The following STXBP5L variants were observed in gnomAD, a reference collection of about 807,000 sequenced individuals.
STXBP5L encodes syntaxin-binding protein 5-like.
Under a neutral mutation model 144.5 loss-of-function variants are expected in STXBP5L, and 65 were observed. That is an observed-to-expected ratio of 0.45 (90% CI 0.37 to 0.55). The LOEUF (loss-of-function observed/expected upper bound fraction) is 0.55, where lower values mean the gene tolerates loss of function less well. STXBP5L is among the 20% of genes least tolerant of loss of function. STXBP5L has a pLI of 0.00. For synonymous variants in STXBP5L, 505 were observed against 469.6 expected (o/e 1.08, Z -0.97); for missense variants, 1,298 against 1,405.5 (o/e 0.92, Z 1.22).
At chr3:120,953,502 CTTTTTTTT>C (rs758605593) in intron 2 of STXBP5L, among the ~76,000 whole-genome samples, 1 of 132,108 alleles carries the variant, frequency 7.6e-6, no homozygotes, top group African/African-American at 2.8e-5. Flanking sequence ...TGAATTTTTC[CTTTTTTTT>C]TTTTTTTTGT....
chr3:121,030,344 C>A (rs1045942920), intron 3 of STXBP5L, among the ~76,000 whole-genome samples: 4 of 152,028 alleles, frequency 2.6e-5, no homozygotes, highest in Non-Finnish European at 4.4e-5. Context: ...GAATATTATA[C>A]AGCCATAGAA....
intron 3 of STXBP5L, among the ~76,000 whole-genome samples, chr3:120,971,016 T>G (rs577599273): frequency 6.6e-6 from 1 of 152,252 alleles, no homozygotes; most frequent in Non-Finnish European, 1.5e-5. Flanking sequence ...GCCCCAGAAC[T>G]GTATTGTAGC....
rs528591724 is a variant in STXBP5L, at chr3:121,406,195, T to C, written c.2588-1048T>C. Among the ~76,000 whole-genome samples the C allele has an allele frequency of 1.4e-3, 213 of 152,208 alleles. 3 individuals carry two copies. Among genetic ancestry groups the C allele is most frequent in the Admixed American group, 3.7e-3 (56 of 15,252 alleles). ...CCCCTAGCCTCTGCCGTTACCCTTA[T>C]ATACATTTATAGATTTCTTAGTTTT... On this transcript the variant is annotated intron_variant, in intron 22 of 26. Transcript: ENST00000471454.
intron 8 of STXBP5L, 42 bp downstream of exon 8, chr3:121,152,602 G>A (rs761116694): frequency 2.8e-6 from 4 of 1,413,040 alleles, no homozygotes; most frequent in African/African-American, 1.4e-5. Context: ...GTATTGTGAC[G>A]TTATGCCTGT....
At chr3:121,385,599 G>T (rs6769008) in intron 22 of STXBP5L, among the ~76,000 whole-genome samples, 1 of 152,080 alleles carries the variant, frequency 6.6e-6, no homozygotes, top group African/African-American at 2.4e-5. Flanking sequence ...GTTAGTAGTA[G>T]AATATTAACA....
chr3:121,274,876 C>T (rs192948944), intron 18 of STXBP5L, among the ~76,000 whole-genome samples: 3 of 152,154 alleles, frequency 2.0e-5, no homozygotes, highest in Non-Finnish European at 2.9e-5. Context: ...TGTCAGGTCA[C>T]GACAGGGGCA....
chr3:121,352,289 C>G (rs937564859), intron 20 of STXBP5L, among the ~76,000 whole-genome samples: 1 of 152,124 alleles, frequency 6.6e-6, no homozygotes, highest in African/African-American at 2.4e-5. Flanking sequence ...TGGCCATTTT[C>G]ACGATATTGA....
intron 9 of STXBP5L, among the ~76,000 whole-genome samples, chr3:121,179,241 C>T (rs891425554): frequency 1.3e-5 from 2 of 151,934 alleles, no homozygotes; most frequent in Admixed American, 6.6e-5. Context: ...AGTGAACTCA[C>T]CCACACACCA....
intron 9 of STXBP5L, among the ~76,000 whole-genome samples, chr3:121,161,393 T>C (rs2046317501): frequency 6.6e-6 from 1 of 152,068 alleles, no homozygotes. Context: ...GAGGAATCTG[T>C]AGTAGCTTGA....
chr3:121,117,560 T>C (rs975208276), intron 6 of STXBP5L, among the ~76,000 whole-genome samples: 1 of 151,808 alleles, frequency 6.6e-6, no homozygotes, highest in East Asian at 1.9e-4. Context: ...GGGACAGTAA[T>C]AAAATATGCA....
At chr3:120,948,426 A>G (rs985801158) in intron 2 of STXBP5L, among the ~76,000 whole-genome samples, 1 of 151,610 alleles carries the variant, frequency 6.6e-6, no homozygotes, top group Non-Finnish European at 1.5e-5. Context: ...TTATTTCAAT[A>G]GTTTTTGGGG....
In STXBP5L at chr3:121,378,816, T is replaced by C. The variant is rs1357481786; in HGVS notation, c.2277T>C (p.Pro759=). ...TTTCAAAAGTAAATCGCTGGGGTCC[T>C]GGAAGACCACCATTTCGAAAGGCCC... The part of the protein sequence containing the change: ...ADVSKVNRWG[P]GRPPFRKAQS... Residue 759 remains proline (P), a synonymous_variant, in exon 21 of 27, where the codon CCT becomes CCC. Transcript: ENST00000471454. 1 of 1,613,778 alleles carries C rather than the reference T, an allele frequency of 6.2e-7. No individual in the cohort carries two copies. The highest frequency in any genetic ancestry group is 1.3e-5 in the African/African-American group (1 of 75,040).
intron 9 of STXBP5L, among the ~76,000 whole-genome samples, chr3:121,189,876 C>G (rs986812005): frequency 6.6e-6 from 1 of 152,050 alleles, no homozygotes; most frequent in East Asian, 1.9e-4. Flanking sequence ...TATTCACTAA[C>G]AGTTATATTA....
intron 19 of STXBP5L, among the ~76,000 whole-genome samples, chr3:121,315,568 G>A (rs1245125000): frequency 7.3e-5 from 11 of 151,466 alleles, no homozygotes; most frequent in African/African-American, 2.4e-4. Context: ...TACCAGCATG[G>A]CACATGTATA....
chr3:121,400,408 T>C (rs2046843036), intron 22 of STXBP5L, among the ~76,000 whole-genome samples: 1 of 152,204 alleles, frequency 6.6e-6, no homozygotes, highest in African/African-American at 2.4e-5. Context: ...CTCTAGCATG[T>C]GATCGGCCAA....
Position 121,423,760 on chromosome 3 carries a change from T to G in STXBP5L, c.*4663T>G, listed in dbSNP as rs2047402997. 6.6e-6 allele frequency: 1 copy of G among 152,238 alleles called. No homozygotes were observed. Among genetic ancestry groups the G allele is most frequent in the South Asian group, 2.1e-4 (1 of 4,832 alleles). 9.4% of individuals were successfully genotyped at this position (152,238 alleles called of 1,614,324 possible). ...GCCAACTAAGGAAACCTTGTTTGTC[T>G]GCCTTGGCTGGTGCTCCAGCCCCAG... On this transcript the variant is annotated 3_prime_UTR_variant, in exon 27 of 27. Coordinates refer to ENST00000471454, the MANE Select transcript of STXBP5L (RefSeq NM_001308330.2).
intron 19 of STXBP5L, among the ~76,000 whole-genome samples, chr3:121,316,804 T>A (rs1559969116): frequency 1.3e-5 from 2 of 152,192 alleles, no homozygotes; most frequent in African/African-American, 4.8e-5. Context: ...TGGTCCCAGA[T>A]CTCTCACTCA....
In STXBP5L at chr3:121,081,256, G is replaced by A. The variant is rs1363306545; in HGVS notation, c.471-33669G>A. The stretch of plus-strand genomic sequence containing the variant: ...CTGGAAAATTTTTTATCCATATCCT[G>A]TATTTTTAAAAAATTTCTTTGTGTT... On this transcript the variant is annotated intron_variant, in intron 5 of 26. Transcript: ENST00000471454. 4.6e-5 allele frequency among the ~76,000 whole-genome samples: 7 copies of A among 151,888 alleles called. No homozygotes were observed. The East Asian group carries it at 1.4e-3, about 29-fold the overall frequency.
At chr3:121,164,875 G>A (rs775449120) in intron 9 of STXBP5L, among the ~76,000 whole-genome samples, 3 of 152,014 alleles carry the variant, frequency 2.0e-5, no homozygotes, top group African/African-American at 7.2e-5. Context: ...GGTTACCAGG[G>A]GCAGGAGAGC....
Sources: gnomAD v4.1 joint callset for allele counts (sites outside exome capture counted in the v4.1 genomes callset) on GRCh38, gnomAD v4.1.1 for gene constraint, MANE v1.5 for transcripts, NCBI Gene and HGNC (gene_info 2026-07-23, HGNC 2026-07-21) for gene names.